The following CACNA2D1 variants were observed in gnomAD, a reference collection of about 807,000 sequenced individuals.
CACNA2D1 encodes voltage-dependent calcium channel subunit alpha-2/delta-1.
CACNA2D1 carries 53 observed loss-of-function variants against 171.5 expected under a neutral mutation model. The ratio of observed to expected loss-of-function variants is 0.31; its 90% CI spans 0.25 to 0.39. CACNA2D1 has a LOEUF of 0.39. Ranked by LOEUF, CACNA2D1 falls within the 10% of genes least tolerant of loss-of-function variation. The pLI is 1.00. For synonymous variants in CACNA2D1, 442 were observed against 443.1 expected (o/e 1.00, Z 0.03); for missense variants, 903 against 1,299.8 (o/e 0.69, Z 4.69).
chr7:82,321,204 G>T (rs1351011871), intron 3 of CACNA2D1, among the ~76,000 whole-genome samples: 1 of 151,982 alleles, frequency 6.6e-6, no homozygotes, highest in African/African-American at 2.4e-5. Flanking sequence ...TTCAAGACCA[G>T]CCTGGCCAAC....
intron 6 of CACNA2D1, among the ~76,000 whole-genome samples, chr7:82,104,163 T>C (rs1052872400): frequency 6.6e-6 from 1 of 152,050 alleles, no homozygotes; most frequent in African/African-American, 2.4e-5. Flanking sequence ...ATTAATTGTA[T>C]AATTCATCAC....
chr7:82,177,955 A>C (rs1352864171), intron 3 of CACNA2D1, among the ~76,000 whole-genome samples: 1 of 152,160 alleles, frequency 6.6e-6, no homozygotes, highest in African/African-American at 2.4e-5. Flanking sequence ...TAATGTAAGG[A>C]TACAGATTAA....
At chr7:82,167,664 G>A (rs546630445) in intron 4 of CACNA2D1, among the ~76,000 whole-genome samples, 8 of 152,218 alleles carry the variant, frequency 5.3e-5, no homozygotes, top group African/African-American at 1.9e-4. Flanking sequence ...TGTGCAAACT[G>A]TGACAGACCT....
At chr7:82,264,728 C>T (rs1807593743) in intron 3 of CACNA2D1, among the ~76,000 whole-genome samples, 1 of 152,322 alleles carries the variant, frequency 6.6e-6, no homozygotes, top group East Asian at 1.9e-4. Flanking sequence ...GCTGCACTTT[C>T]CTACTCAAGA....
At chr7:82,156,502 C>T (rs1016325962) in intron 4 of CACNA2D1, among the ~76,000 whole-genome samples, 1 of 152,126 alleles carries the variant, frequency 6.6e-6, no homozygotes, top group African/African-American at 2.4e-5. Flanking sequence ...TTTTGCTCTA[C>T]ATTCGCAAGT....
At chr7:82,142,138 C>A (rs377742241) in intron 4 of CACNA2D1, among the ~76,000 whole-genome samples, 1 of 152,222 alleles carries the variant, frequency 6.6e-6, no homozygotes, top group East Asian at 1.9e-4. Flanking sequence ...AGGGATTAAA[C>A]CTTTGGAGAG....
chr7:82,410,771 A>G (rs796469182), intron 1 of CACNA2D1, among the ~76,000 whole-genome samples: 2 of 152,342 alleles, frequency 1.3e-5, no homozygotes, highest in African/African-American at 4.8e-5. Flanking sequence ...GTTACGAAGC[A>G]GGTGATCTCA....
At chr7:82,356,274 A>G (rs1820412866) in intron 1 of CACNA2D1, among the ~76,000 whole-genome samples, 1 of 152,194 alleles carries the variant, frequency 6.6e-6, no homozygotes, top group Non-Finnish European at 1.5e-5. Flanking sequence ...TTCCTTTCAA[A>G]GACTTTTTAA....
chr7:82,225,608 T>C (rs955166176), intron 3 of CACNA2D1, among the ~76,000 whole-genome samples: 3 of 152,220 alleles, frequency 2.0e-5, no homozygotes, highest in Admixed American at 2.0e-4. Flanking sequence ...TTGATATTTA[T>C]ATATTTTACA....
intron 3 of CACNA2D1, among the ~76,000 whole-genome samples, chr7:82,194,005 C>G (rs1798603291): frequency 6.6e-6 from 1 of 151,864 alleles, no homozygotes; most frequent in Admixed American, 6.6e-5. Flanking sequence ...ATTTTGGCAT[C>G]AAAATTATAA....
intron 3 of CACNA2D1, among the ~76,000 whole-genome samples, chr7:82,273,122 C>T (rs754665145): frequency 6.6e-6 from 1 of 152,098 alleles, no homozygotes. Flanking sequence ...TTGTTATCTA[C>T]CAACTTCGTT....
At chr7:82,186,843 A>G (rs1245412000) in intron 3 of CACNA2D1, among the ~76,000 whole-genome samples, 2 of 152,170 alleles carry the variant, frequency 1.3e-5, no homozygotes, top group Non-Finnish European at 2.9e-5. Context: ...TGAATTCTGA[A>G]TGTGGCTTTC....
chr7:82,077,156 A>T (rs768528591), intron 7 of CACNA2D1, among the ~76,000 whole-genome samples: 38 of 152,338 alleles, frequency 2.5e-4, no homozygotes, highest in Non-Finnish European at 1.0e-4. Flanking sequence ...AGGCAGAAAC[A>T]ACTTGTTATT....
intron 5 of CACNA2D1, among the ~76,000 whole-genome samples, chr7:82,118,730 A>T (rs538324168): frequency 6.6e-6 from 1 of 152,246 alleles, no homozygotes; most frequent in South Asian, 2.1e-4. Flanking sequence ...TCTTTTAAAT[A>T]ACCATATAAA....
intron 1 of CACNA2D1, among the ~76,000 whole-genome samples, chr7:82,360,776 A>C (rs1390491549): frequency 6.6e-6 from 1 of 152,188 alleles, no homozygotes; most frequent in Non-Finnish European, 1.5e-5. Context: ...CAGGACCCAA[A>C]TTGACTCATG....
At chr7:82,086,606 G>C (rs1009994140) in intron 6 of CACNA2D1, among the ~76,000 whole-genome samples, 3 of 152,106 alleles carry the variant, frequency 2.0e-5, no homozygotes, top group Non-Finnish European at 4.4e-5. Context: ...AAATAGCATA[G>C]AAAGAGGAAC....
intron 3 of CACNA2D1, 101 bp from the exon 4 acceptor site, chr7:82,170,710 A>C (rs896637402): frequency 2.0e-6 from 2 of 1,004,402 alleles, no homozygotes; most frequent in African/African-American, 3.2e-5. Context: ...GGACATAAAA[A>C]GCAGAAGATG....
intron 3 of CACNA2D1, among the ~76,000 whole-genome samples, chr7:82,220,134 A>G (rs370793087): frequency 6.6e-6 from 1 of 152,200 alleles, no homozygotes; most frequent in Non-Finnish European, 1.5e-5. Context: ...GCAAATCTTT[A>G]AACATGTCAA....
chr7:82,443,307 A>AC (rs1050882351), intron 1 of CACNA2D1, 58 bp downstream of exon 1: 3 of 1,394,386 alleles, frequency 2.2e-6, no homozygotes, highest in Middle Eastern at 4.0e-4. Flanking sequence ...ACCGACCCCC[A>AC]CCCCCAACTC....
Sources: allele counts gnomAD v4.1 joint callset (sites outside exome capture counted in the v4.1 genomes callset), GRCh38; gene constraint gnomAD v4.1.1; transcripts MANE v1.5; gene names NCBI Gene and HGNC (gene_info 2026-07-23, HGNC 2026-07-21).